Variants in PLD2 observed in about 807,000 individuals in gnomAD.
PLD2 encodes the protein choline phosphatase 2.
A neutral mutation model predicts 119.8 loss-of-function variants in PLD2; 101 were observed. The observed-to-expected ratio is 0.84, with a 90% CI of 0.72 to 0.99. The LOEUF (loss-of-function observed/expected upper bound fraction) is 0.99, where lower values mean the gene tolerates loss of function less well. Ranked by LOEUF, PLD2 falls within the 50% of genes least tolerant of loss-of-function variation. The probability of loss-of-function intolerance (pLI) is 0.00; values close to 1 mark genes in which losing one functional copy is unlikely to be tolerated. For synonymous variants in PLD2, 494 were observed against 482.8 expected (o/e 1.02, Z -0.30); for missense variants, 1,164 against 1,226.8 (o/e 0.95, Z 0.76).
At chr17:4,809,610 G>T in intron 7 of PLD2, 59 bp downstream of exon 7, 2 of 1,609,176 alleles carry the variant, frequency 1.2e-6, no homozygotes, top group Non-Finnish European at 1.7e-6. Context: ...ATTTCTCCCT[G>T]CCTGAGATTG....
chr17:4,815,071 AG>A (rs1320896069), intron 12 of PLD2, among the ~76,000 whole-genome samples: 1 of 152,140 alleles, frequency 6.6e-6, no homozygotes, highest in African/African-American at 2.4e-5. Context: ...GTTGATGGAC[AG>A]GAAGAAGGAT....
rs1231829271 is a variant in PLD2, at chr17:4,818,762, C to G, written c.2124-12C>G. ...CCAGCCTCCACTTCTCTCCCTCTTT[C>G]TTTTCTCTCAGGACCCTGTGTCGTG... On this transcript the variant is annotated splice_polypyrimidine_tract_variant and intron_variant, in intron 20 of 24. Transcript: ENST00000263088. The G allele has an allele frequency of 2.5e-6, 4 of 1,614,032 alleles. No individual in the cohort carries two copies. Among genetic ancestry groups the G allele is most frequent in the African/African-American group, 1.3e-5 (1 of 74,906 alleles).
At position 4,814,519 on chromosome 17, in the gene PLD2, CCAACAA is replaced by C; in HGVS notation, c.1094+21_1094+26del. The stretch of plus-strand genomic sequence containing the variant: ...GACTGGTGGTGAGTGGGAAAAGGCC[CCAACAA>C]CATGGGGCAGGATAGAGCCTGGGGC... On this transcript the variant is annotated intron_variant, in intron 11 of 24. Transcript: ENST00000263088. 6.2e-7 allele frequency: 1 copy of C among 1,612,950 alleles called. No homozygotes were observed. The highest frequency in any genetic ancestry group is 8.5e-7 in the Non-Finnish European group (1 of 1,179,564).
At chr17:4,812,295 G>GTTTT (rs560349965) in intron 10 of PLD2, among the ~76,000 whole-genome samples, 4 of 118,594 alleles carry the variant, frequency 3.4e-5, no homozygotes, top group Non-Finnish European at 3.4e-5. Context: ...TTTTGTTTTG[G>GTTTT]TTTTTTTTTT....
chr17:4,822,922 C>T lies in PLD2; in HGVS notation c.*58C>T. 2.1e-6 allele frequency: 2 copies of T among 970,162 alleles called. No individual in the cohort carries two copies. The highest frequency in any genetic ancestry group is 3.2e-6 in the Non-Finnish European group (2 of 624,570). 60.1% of individuals were successfully genotyped at this position (970,162 alleles called of 1,614,324 possible). A position where few individuals can be genotyped will look rare whatever the true frequency, so the allele number is the denominator to read the frequency against. On this transcript the variant is annotated 3_prime_UTR_variant, in exon 25 of 25. Coordinates refer to ENST00000263088, the MANE Select transcript of PLD2 (RefSeq NM_002663.5). ...GCTGTGCCCCACCACGTCTGGCTCC[C>T]TGCCCCTTAACCCCAAGGACTGAGG...
chr17:4,811,095 T>A, intron 10 of PLD2, 144 bp downstream of exon 10: 1 of 769,494 alleles, frequency 1.3e-6, no homozygotes, highest in South Asian at 1.9e-5. Flanking sequence ...CTTCCTGACC[T>A]TTGACATCTT....
Position 4,807,414 on chromosome 17 carries a change from C to A in PLD2, c.-2+189C>A, listed in dbSNP as rs372509148. ...CCTGCCCCCGGCCCGCCTGGCCTGG[C>A]GTGAGCCCCGTAGCCGCGCGCTCTC... On this transcript the variant is annotated intron_variant, in intron 1 of 24. Coordinates refer to ENST00000263088, the MANE Select transcript of PLD2 (RefSeq NM_002663.5). This position sits in a 1 kb window ranked among gnomAD's most constrained non-coding sequence, Gnocchi z 5.4. 1.5e-4 allele frequency: 28 copies of A among 182,466 alleles called. 1 individual carries two copies. The South Asian group carries it at 2.2e-3, about 14-fold the overall frequency. The allele number at this position is 182,466 out of a possible 1,614,324, so 11.3% of individuals were successfully genotyped here.
At chr17:4,810,170 C>A in intron 9 of PLD2, 141 bp downstream of exon 9, 1 of 828,344 alleles carries the variant, frequency 1.2e-6, no homozygotes, top group South Asian at 1.7e-5. Context: ...GAACCAGGAA[C>A]TGGTCTAGCC....
rs533252967 is a variant in PLD2 at position 4,820,665 on chromosome 17, G to A, written c.2462+1083G>A. Among the ~76,000 whole-genome samples, 81 of 120,888 alleles carry A rather than the reference G, an allele frequency of 6.7e-4. 1 individual carries two copies. Among genetic ancestry groups the A allele is most frequent in the Middle Eastern group, 5.9e-3 (1 of 170 alleles). The allele number at this position is 120,888 out of a possible 152,430, so 79.3% of individuals were successfully genotyped here. ...ATCTCGGCTCACTGCAGGCTCCGCC[G>A]CCCAGGGTTCATGCCATTCTCCTGC... On this transcript the variant is annotated intron_variant, in intron 23 of 24. Transcript: ENST00000263088.
Position 4,808,445 on chromosome 17 carries a change from A to G in PLD2, c.383+29A>G. 6.2e-7 allele frequency: 1 copy of G among 1,605,824 alleles called. No homozygotes were observed. The highest frequency in any genetic ancestry group is 1.1e-5 in the South Asian group (1 of 90,188). On this transcript the variant is annotated intron_variant, in intron 4 of 24. Transcript: ENST00000263088. The surrounding 1 kb of genome is among the most constrained non-coding windows in gnomAD (Gnocchi z 4.1). ...AGGGCGACCGGACTGCTTCCTGTAG[A>G]GGGCAGGTGCTCCCCACCCTCCTTT...
intron 23 of PLD2, among the ~76,000 whole-genome samples, chr17:4,820,299 C>A (rs1289748881): frequency 3.3e-5 from 5 of 150,450 alleles, no homozygotes; most frequent in Non-Finnish European, 5.9e-5. Flanking sequence ...CACGGTTTCA[C>A]TCTTGTCGCC....
In PLD2 at chr17:4,817,007, G is replaced by A. The variant is rs141734998; in HGVS notation, c.1653G>A (p.Pro551=). The change falls in exon 16 of 25, where the codon CCG becomes CCA. Residue 551 remains proline, a synonymous_variant. Coordinates refer to ENST00000263088, the MANE Select transcript of PLD2 (RefSeq NM_002663.5). ...TTGGGGTGGTCGTCCATGGCCTACC[G>A]GCCCGGGACCTTGCCCGGCACTTCA... ...RDVGVVVHGL[P]ARDLARHFIQ... The A allele has an allele frequency of 2.5e-5, 40 of 1,613,810 alleles. No homozygotes were observed. The Admixed American group carries it at 3.0e-4, about 12-fold the overall frequency.
intron 21 of PLD2, 51 bp downstream of exon 21, chr17:4,818,874 A>G (rs1907329103): frequency 6.3e-7 from 1 of 1,578,060 alleles, no homozygotes; most frequent in Admixed American, 1.7e-5. Context: ...GGAGAGGGAG[A>G]TTGGGGCGCT....
At chr17:4,810,997 C>A in intron 10 of PLD2, 46 bp downstream of exon 10, 14 of 1,562,260 alleles carry the variant, frequency 9.0e-6, no homozygotes, top group Non-Finnish European at 1.2e-5. Context: ...GCTTTCTTGA[C>A]CCCCTGTGTA....
intron 12 of PLD2, among the ~76,000 whole-genome samples, chr17:4,815,209 C>T (rs965808964): frequency 1.3e-5 from 2 of 151,702 alleles, no homozygotes; most frequent in Admixed American, 6.6e-5. Flanking sequence ...GAATGATAGA[C>T]GGTACATAAA....
chr17:4,816,874 T>G (rs1907031544), intron 15 of PLD2, 63 bp from the exon 16 acceptor site: 1 of 1,578,100 alleles, frequency 6.3e-7, no homozygotes, highest in Admixed American at 1.7e-5. Context: ...TCTTTCTCCC[T>G]GCCCCAAGTG....
chr17:4,822,780 C>G lies in PLD2; in HGVS notation c.2718C>G (p.Phe906Leu), dbSNP rs140617636. 1 of 1,613,706 alleles carries G rather than the reference C, an allele frequency of 6.2e-7. No homozygotes were observed. The highest frequency in any genetic ancestry group is 1.3e-5 in the African/African-American group (1 of 75,044). Reference protein sequence around the residue: ...LTQVQGHLVHFPLKFLEDESL... With the variant: ...LTQVQGHLVHLPLKFLEDESL... ...AGGTCCAGGGCCACCTGGTCCACTTCCCCCTCAAGTTCCTAGAGGATGAGT... is the reference window on the plus strand; with the variant it reads ...AGGTCCAGGGCCACCTGGTCCACTTGCCCCTCAAGTTCCTAGAGGATGAGT... The change falls in exon 25 of 25, where the codon TTC (phenylalanine) becomes TTG (leucine). Residue 906 changes from phenylalanine (F) to leucine (L), a missense_variant. Physicochemically the swap from Phe to Leu is conservative, Grantham distance 22. Transcript: ENST00000263088.
In PLD2 at chr17:4,807,888, A is replaced by T. The variant is rs1438145423; in HGVS notation, c.109+7A>T. 2.5e-6 allele frequency: 4 copies of T among 1,611,452 alleles called. No individual in the cohort carries two copies. Among genetic ancestry groups the T allele is most frequent in the Non-Finnish European group, 3.4e-6 (4 of 1,177,976 alleles). On this transcript the variant is annotated splice_region_variant and intron_variant, in intron 2 of 24. Transcript: ENST00000263088. The surrounding 1 kb of genome is among the most constrained non-coding windows in gnomAD (Gnocchi z 5.4). Reference sequence around the variant, plus strand: ...AAGGAGGGAGAGGACCCAGGTACACAGGGAAGATGGATGGCCCTCAGGGAG... The same window carrying T: ...AAGGAGGGAGAGGACCCAGGTACACTGGGAAGATGGATGGCCCTCAGGGAG...
At chr17:4,822,611 C>G (rs1251932362) in intron 24 of PLD2, 29 bp from the exon 25 acceptor site, 1 of 1,516,784 alleles carries the variant, frequency 6.6e-7, no homozygotes, top group African/African-American at 1.4e-5. Context: ...CTCCCCAAGC[C>G]TTACTGGCGT....
Sources: gnomAD v4.1 joint callset for allele counts (sites outside exome capture counted in the v4.1 genomes callset) on GRCh38, gnomAD v4.1.1 for gene constraint, Gnocchi (gnomAD v3.1) non-coding constraint, MANE v1.5 for transcripts, NCBI Gene and HGNC (gene_info 2026-07-23, HGNC 2026-07-21) for gene names.